SPEN: variants seen among roughly 807,000 people sequenced by gnomAD.
The protein encoded by SPEN is spen family transcriptional repressor.
In SPEN, 18 loss-of-function variants were observed where a neutral mutation model predicts 269.9. That is an observed-to-expected ratio of 0.07 (90% CI 0.05 to 0.10). The LOEUF (loss-of-function observed/expected upper bound fraction) is 0.10. Among genes scored for constraint, SPEN ranks in the 10% least tolerant of loss-of-function variants. The pLI, the probability that SPEN is intolerant of heterozygous loss-of-function variation, is 1.00. For missense variants in SPEN, 3,822 were observed against 4,631.2 expected (o/e 0.83, Z 5.07); for synonymous variants, 1,726 against 1,765.7 (o/e 0.98, Z 0.56).
chr1:15,903,930 G>A (rs1174712225), intron 3 of SPEN, among the ~76,000 whole-genome samples: 1 of 152,108 alleles, frequency 6.6e-6, no homozygotes, highest in Non-Finnish European at 1.5e-5. Flanking sequence ...AGCTTCTGAT[G>A]AACTATTTTT....
At position 15,936,365 on chromosome 1, in the gene SPEN, G is replaced by A. The variant is rs541330232; in HGVS notation, c.10026+99G>A. On this transcript the variant is annotated intron_variant, in intron 11 of 14. Coordinates refer to ENST00000375759, the MANE Select transcript of SPEN (RefSeq NM_015001.3). Reference sequence around the variant, plus strand: ...ATGTGTGAAAGAAATCAGGGGCCAGGTGTGGTGGCTTATGCCTGTAATCCC... The same window carrying A: ...ATGTGTGAAAGAAATCAGGGGCCAGATGTGGTGGCTTATGCCTGTAATCCC... 31 of 1,421,022 alleles carry A rather than the reference G, an allele frequency of 2.2e-5. No homozygotes were observed. In the Admixed American group the frequency reaches 6.6e-4, roughly 30 times the overall value. The allele number at this position is 1,421,022 out of a possible 1,614,324, so 88.0% of individuals were successfully genotyped here. A position where few individuals can be genotyped will look rare whatever the true frequency, so the allele number is the denominator to read the frequency against.
Position 15,928,866 on chromosome 1 carries a change from C to G in SPEN, c.2626C>G (p.Pro876Ala), listed in dbSNP as rs201369743. 24 of 1,614,126 alleles carry G rather than the reference C, an allele frequency of 1.5e-5. No homozygotes were observed. In the East Asian group the frequency reaches 3.8e-4, roughly 25 times the overall value. The change falls in exon 11 of 15, where the codon CCT becomes GCT. Residue 876 changes from proline (P) to alanine (A), a missense_variant. Around this residue, in one of 16 missense-constraint regions of SPEN, gnomAD observed 572 missense variants for 582.6 expected, o/e 0.98. Coordinates refer to ENST00000375759, the MANE Select transcript of SPEN (RefSeq NM_015001.3). The surrounding 1 kb of genome is among the most constrained non-coding windows in gnomAD (Gnocchi z 5.7). ...GIAKNRLELM[P>A]CVVLTRVKEK... ...AGCGAAAAACCGCCTGGAACTCATG[C>G]CTTGCGTGGTTTTGACTCGAGTGAA...
chr1:15,903,396 G>C (rs755949307), intron 3 of SPEN, among the ~76,000 whole-genome samples: 17 of 152,140 alleles, frequency 1.1e-4, no homozygotes, highest in Non-Finnish European at 2.4e-4. Flanking sequence ...GTTAGGAAAA[G>C]TGGAACTAGG....
chr1:15,916,503 C>A, intron 6 of SPEN, among the ~76,000 whole-genome samples: 1 of 142,674 alleles, frequency 7.0e-6, no homozygotes. Context: ...TATATATTTT[C>A]TTACCTCTTT....
chr1:15,898,173 T>TTG (rs58297957), intron 3 of SPEN, among the ~76,000 whole-genome samples: 9,998 of 147,358 alleles, frequency 0.068, 420 homozygotes, highest in African/African-American at 0.13. Flanking sequence ...TAATTTATCT[T>TTG]TGTGTGTGTG....
chr1:15,883,679 A>G (rs1395357329), intron 3 of SPEN, among the ~76,000 whole-genome samples: 1 of 151,854 alleles, frequency 6.6e-6, no homozygotes, highest in East Asian at 1.9e-4. Flanking sequence ...AGTATTTCTT[A>G]TTACTGATGG....
rs1165468690 is a variant in SPEN, at chr1:15,937,924, C to G, written c.10622C>G (p.Ser3541Cys). The change falls in exon 13 of 15, where the codon TCT (serine) becomes TGT (cysteine). Residue 3541 changes from serine (S) to cysteine (C), a missense_variant. Ser to Cys is a moderately radical substitution (Grantham distance 112, BLOSUM62 -1). Transcript: ENST00000375759. The surrounding 1 kb of genome is among the most constrained non-coding windows in gnomAD (Gnocchi z 5.7). ...NVLAHRSLPLSEGGPPLRIAQ... is the reference protein window; with the variant it reads ...NVLAHRSLPLCEGGPPLRIAQ... ...CTGGCCCATCGGTCCCTGCCCCTTT[C>G]TGAAGGAGGGCCCCCACTAAGGATC... 1.9e-6 allele frequency: 3 copies of G among 1,614,204 alleles called. No homozygotes were observed. Among genetic ancestry groups the G allele is most frequent in the Non-Finnish European group, 2.5e-6 (3 of 1,180,014 alleles).
chr1:15,924,030 C>G (rs550646452), intron 10 of SPEN, among the ~76,000 whole-genome samples: 2 of 152,270 alleles, frequency 1.3e-5, no homozygotes, highest in South Asian at 4.1e-4. Flanking sequence ...TCAAACTTGT[C>G]AGGTTTTGAT....
rs1051238813 is a variant in SPEN, at chr1:15,848,503, C to T, written c.83+353C>T. 1.3e-5 allele frequency among the ~76,000 whole-genome samples: 2 copies of T among 151,984 alleles called. No individual in the cohort carries two copies. The highest frequency in any genetic ancestry group is 4.1e-4 in the South Asian group (2 of 4,838). On this transcript the variant is annotated intron_variant, in intron 1 of 14. Coordinates refer to ENST00000375759, the MANE Select transcript of SPEN (RefSeq NM_015001.3). The surrounding 1 kb of genome is among the most constrained non-coding windows in gnomAD (Gnocchi z 5.1). ...ATGCGCTGGGCGGCGGGGTCGCGTC[C>T]TTGCGCGCAGTGCCCGGCCCGGAGC...
chr1:15,939,725 G>A lies in SPEN; in HGVS notation c.*298G>A. On this transcript the variant is annotated 3_prime_UTR_variant, in exon 15 of 15. Transcript: ENST00000375759. The surrounding 1 kb of genome is among the most constrained non-coding windows in gnomAD (Gnocchi z 4.1). The stretch of plus-strand genomic sequence containing the variant: ...TTTGGAGAAAAGGAACAGGGCAGTG[G>A]AATGAAAATTTTTTGTTTGTTTGTT... The A allele has an allele frequency of 3.4e-6, 1 of 295,724 alleles. No homozygotes were observed. The allele number at this position is 295,724 out of a possible 1,614,324, so 18.3% of individuals were successfully genotyped here.
In SPEN at chr1:15,932,589, G is replaced by A; in HGVS notation, c.6349G>A (p.Val2117Met). The A allele has an allele frequency of 1.2e-6, 2 of 1,603,956 alleles. No individual in the cohort carries two copies. Among genetic ancestry groups the A allele is most frequent in the Non-Finnish European group, 1.7e-6 (2 of 1,173,648 alleles). ...GGCAGGGGAGAGGGAATCTGGGGTG[G>A]TGGCAGTCTCCCCTGAGAAAAGTGA... is the stretch of plus-strand genomic sequence containing the variant. ...AQAGERESGVVAVSPEKSESP... is the reference protein window; with the variant it reads ...AQAGERESGVMAVSPEKSESP... The change falls in exon 11 of 15, where the codon GTG becomes ATG. Residue 2117 changes from valine to methionine, a missense_variant. Physicochemically the swap from Val to Met is conservative, Grantham distance 21. Around this residue, in one of 16 missense-constraint regions of SPEN, gnomAD observed 727 missense variants for 737.9 expected, o/e 0.99. Coordinates refer to ENST00000375759, the MANE Select transcript of SPEN (RefSeq NM_015001.3). This position sits in a 1 kb window ranked among gnomAD's most constrained non-coding sequence, Gnocchi z 4.2.
rs1454221382 is a variant in SPEN, at chr1:15,930,247, A to G, written c.4007A>G (p.Glu1336Gly). The change falls in exon 11 of 15, where the codon GAA becomes GGA. Residue 1336 changes from glutamate (E) to glycine (G), a missense_variant. Physicochemically the swap from Glu to Gly is moderately conservative, Grantham distance 98. Transcript: ENST00000375759. This position sits in a 1 kb window ranked among gnomAD's most constrained non-coding sequence, Gnocchi z 5.3. ...CTATCTGTCTTGAATTCTGAAGATGAACTAAATCGTTGGGACTCTCAGATG... is the reference window on the plus strand; with the variant it reads ...CTATCTGTCTTGAATTCTGAAGATGGACTAAATCGTTGGGACTCTCAGATG... ...IKLSVLNSED[E>G]LNRWDSQMKQ... is the part of the protein sequence containing the mutation. The G allele has an allele frequency of 6.2e-7, 1 of 1,614,218 alleles. No individual in the cohort carries two copies. Among genetic ancestry groups the G allele is most frequent in the Admixed American group, 1.7e-5 (1 of 60,024 alleles).
intron 1 of SPEN, among the ~76,000 whole-genome samples, chr1:15,871,153 G>A (rs557353397): frequency 6.6e-6 from 1 of 151,994 alleles, no homozygotes; most frequent in South Asian, 2.1e-4. Context: ...ATTTTTAGTA[G>A]AGGTGGGGTT....
rs753462734 is a variant in SPEN at position 15,936,218 on chromosome 1, C to G, written c.9978C>G (p.Pro3326=). The part of the protein sequence containing the change: ...PPAQLTHTQF[P]AASSVGLPSR... ...CCCAGCTCACACACACTCAGTTTCC[C>G]GCCGCTTCCTCTGTTGGCCTGCCTT... Residue 3326 remains proline, a synonymous_variant, in exon 11 of 15, where the codon CCC becomes CCG. Coordinates refer to ENST00000375759, the MANE Select transcript of SPEN (RefSeq NM_015001.3). 4 of 1,564,686 alleles carry G rather than the reference C, an allele frequency of 2.6e-6. No homozygotes were observed. Among genetic ancestry groups the G allele is most frequent in the Middle Eastern group, 1.7e-4 (1 of 5,884 alleles).
intron 1 of SPEN, among the ~76,000 whole-genome samples, chr1:15,865,134 C>T (rs2070490983): frequency 6.6e-6 from 1 of 151,942 alleles, no homozygotes; most frequent in African/African-American, 2.4e-5. Context: ...TTACCGCAAC[C>T]TCCGCCTCCT....
At chr1:15,874,109 A>G (rs946972232) in intron 2 of SPEN, 3 of 1,359,574 alleles carry the variant, frequency 2.2e-6, no homozygotes, top group African/African-American at 1.5e-5. Context: ...AGGGCTGGAA[A>G]TATTTATGAA....
intron 3 of SPEN, 70 bp from the exon 4 acceptor site, chr1:15,909,248 TAAG>T (rs1296784644): frequency 4.0e-6 from 6 of 1,515,296 alleles, no homozygotes; most frequent in Non-Finnish European, 4.5e-6. Context: ...TTAGTTATTT[TAAG>T]AAGTTTTCTA....
In SPEN at chr1:15,935,661, C is replaced by A. The variant is rs1364408725; in HGVS notation, c.9421C>A (p.Gln3141Lys). Reference protein sequence around the residue: ...VRAPQRASTPQPAPAGVPALA... With the variant: ...VRAPQRASTPKPAPAGVPALA... ...GGCCCCACAGCGTGCCAGCACCCCG[C>A]AGCCAGCCCCAGCTGGTGTGCCTGC... Residue 3141 changes from glutamine (Q) to lysine (K), a missense_variant, in exon 11 of 15, where the codon CAG becomes AAG. Physicochemically the swap from Gln to Lys is moderately conservative, Grantham distance 53. Transcript: ENST00000375759. This position sits in a 1 kb window ranked among gnomAD's most constrained non-coding sequence, Gnocchi z 7.7. 6.2e-7 allele frequency: 1 copy of A among 1,613,888 alleles called. No homozygotes were observed. Among genetic ancestry groups the A allele is most frequent in the Non-Finnish European group, 8.5e-7 (1 of 1,180,000 alleles).
chr1:15,936,014 C>G lies in SPEN; in HGVS notation c.9774C>G (p.Ala3258=), dbSNP rs781135812. ...TCCCTGTCCCTGTCCCCCTTCCTGC[C>G]CCTGCTCCTGCCCCTCATGGTGAGG... ...APVPVPVPLP[A]PAPAPHGEAR... The change falls in exon 11 of 15, where the codon GCC becomes GCG. Residue 3258 remains alanine, a synonymous_variant. Transcript: ENST00000375759. The G allele has an allele frequency of 3.1e-6, 5 of 1,588,904 alleles. No homozygotes were observed. In the Admixed American group the frequency reaches 8.6e-5, roughly 27 times the overall value.
Sources: gnomAD v4.1 joint callset for allele counts (sites outside exome capture counted in the v4.1 genomes callset) on GRCh38, gnomAD v4.1.1 for gene constraint, gnomAD v4.1.1 regional missense constraint, Gnocchi (gnomAD v3.1) non-coding constraint, MANE v1.5 for transcripts, NCBI Gene and HGNC (gene_info 2026-07-23, HGNC 2026-07-21) for gene names.